PLEKHM2: variants seen among roughly 807,000 people sequenced by gnomAD.
PLEKHM2 encodes the protein pleckstrin homology domain-containing family M member 2.
A neutral mutation model predicts 116.3 loss-of-function variants in PLEKHM2; 77 were observed. The ratio of observed to expected loss-of-function variants is 0.66; its 90% CI spans 0.55 to 0.80. PLEKHM2 has a LOEUF of 0.80. PLEKHM2 is among the 30% of genes least tolerant of loss of function. The pLI is 0.00. For synonymous variants in PLEKHM2, 562 were observed against 571.0 expected (o/e 0.98, Z 0.22); for missense variants, 1,183 against 1,354.9 (o/e 0.87, Z 1.99).
intron 1 of PLEKHM2, among the ~76,000 whole-genome samples, chr1:15,707,698 G>C (rs532641172): frequency 2.6e-5 from 4 of 152,198 alleles, no homozygotes; most frequent in Admixed American, 2.0e-4. Context: ...AGCAGCTGCA[G>C]CTTTTTTTAA....
upstream of PLEKHM2, among the ~76,000 whole-genome samples, chr1:15,683,819 G>C (rs1392109441): frequency 1.3e-5 from 2 of 150,086 alleles, no homozygotes; most frequent in African/African-American, 2.5e-5. Flanking sequence ...CAGGGTCTCT[G>C]AGGAGGGCCG....
upstream of PLEKHM2, among the ~76,000 whole-genome samples, chr1:15,682,631 AAC>A (rs1177261836): frequency 0.013 from 1,480 of 114,684 alleles, 19 homozygotes; most frequent in Middle Eastern, 0.029. Context: ...AAACAAACAA[AAC>A]AAAACAAAAC....
intron 1 of PLEKHM2, among the ~76,000 whole-genome samples, chr1:15,706,463 T>C (rs1241566781): frequency 6.6e-6 from 1 of 151,734 alleles, no homozygotes; most frequent in Non-Finnish European, 1.5e-5. Flanking sequence ...TGGAGTGCAG[T>C]GGCACGATCT....
chr1:15,729,051 G>A lies in PLEKHM2; in HGVS notation c.1987-51G>A, dbSNP rs146863630. ...TCAGCCTGGCCAAGCTGCCTTCTCC[G>A]CCAGGCAGCAGCTAAGCCCCAAGTG... On this transcript the variant is annotated intron_variant, in intron 12 of 19. Coordinates refer to ENST00000375799, the MANE Select transcript of PLEKHM2 (RefSeq NM_015164.4). This position sits in a 1 kb window ranked among gnomAD's most constrained non-coding sequence, Gnocchi z 4.7. The A allele has an allele frequency of 7.0e-4, 1,059 of 1,515,268 alleles. 10 individuals are homozygous for A. In the Admixed American group the frequency reaches 0.018, roughly 26 times the overall value. The allele number at this position is 1,515,268 out of a possible 1,614,324, so 93.9% of individuals were successfully genotyped here. A position where few individuals can be genotyped will look rare whatever the true frequency, so the allele number is the denominator to read the frequency against.
In PLEKHM2 at chr1:15,732,163, A is replaced by G. The variant is rs1421199853; in HGVS notation, c.2625+115A>G. On this transcript the variant is annotated intron_variant, in intron 17 of 19. Transcript: ENST00000375799. ...AACCTGAGGGCCAAGACGGACCTCC[A>G]GGGGGCAGCCCAGGAATGGACCCTG... 3 of 1,074,404 alleles carry G rather than the reference A, an allele frequency of 2.8e-6. 1 individual carries two copies. The highest frequency in any genetic ancestry group is 3.1e-5 in the South Asian group (2 of 64,792). The allele number at this position is 1,074,404 out of a possible 1,614,324, so 66.6% of individuals were successfully genotyped here. A position where few individuals can be genotyped will look rare whatever the true frequency, so the allele number is the denominator to read the frequency against.
Position 15,728,798 on chromosome 1 carries a change from T to C in PLEKHM2, c.1986+65T>C. The C allele has an allele frequency of 1.4e-6, 2 of 1,431,224 alleles. No individual in the cohort carries two copies. The highest frequency in any genetic ancestry group is 1.2e-5 in the South Asian group (1 of 82,614). The allele number at this position is 1,431,224 out of a possible 1,614,324, so 88.7% of individuals were successfully genotyped here. ...CAGGGCTTCTCAAGCCACTTACCCA[T>C]AGAACTGCAGGGCGAGGCACGGCCC... On this transcript the variant is annotated intron_variant, in intron 12 of 19. Transcript: ENST00000375799. The surrounding 1 kb of genome is among the most constrained non-coding windows in gnomAD (Gnocchi z 5.9).
intron 8 of PLEKHM2, among the ~76,000 whole-genome samples, chr1:15,726,500 G>A (rs2068065092): frequency 6.6e-6 from 1 of 152,202 alleles, no homozygotes; most frequent in Non-Finnish European, 1.5e-5. Context: ...CTCAGACCTG[G>A]GGTCCCTTAG....
chr1:15,711,931 C>T (rs908472764), intron 1 of PLEKHM2, among the ~76,000 whole-genome samples: 2 of 151,890 alleles, frequency 1.3e-5, no homozygotes, highest in African/African-American at 4.8e-5. Flanking sequence ...CCAGCCTGAC[C>T]AACATGGAGA....
Position 15,731,269 on chromosome 1 carries a change from G to A in PLEKHM2, c.2465+12G>A, listed in dbSNP as rs370100069. The A allele has an allele frequency of 3.6e-5, 57 of 1,564,250 alleles. No individual in the cohort carries two copies. The highest frequency in any genetic ancestry group is 3.0e-4 in the African/African-American group (22 of 73,910). ...TCGGTGAACATGGGGTAAGTGTCCC[G>A]GGAGAAGCGGGTGTATCCTGGGGCC... On this transcript the variant is annotated intron_variant, in intron 16 of 19. Coordinates refer to ENST00000375799, the MANE Select transcript of PLEKHM2 (RefSeq NM_015164.4).
At position 15,719,713 on chromosome 1, in the gene PLEKHM2, C is replaced by T. The variant is rs772219335; in HGVS notation, c.466-21C>T. On this transcript the variant is annotated intron_variant, in intron 5 of 19. Coordinates refer to ENST00000375799, the MANE Select transcript of PLEKHM2 (RefSeq NM_015164.4). This position sits in a 1 kb window ranked among gnomAD's most constrained non-coding sequence, Gnocchi z 4.1. ...TGCACGAGGCCTCCCACCAAACGGG[C>T]CTCCTCTACTCTCTCCTCAGGATGC... 85 of 1,583,688 alleles carry T rather than the reference C, an allele frequency of 5.4e-5. No homozygotes were observed. In the South Asian group the frequency reaches 9.5e-4, roughly 18 times the overall value.
chr1:15,699,867 C>T (rs939286417), intron 1 of PLEKHM2, among the ~76,000 whole-genome samples: 3 of 151,630 alleles, frequency 2.0e-5, no homozygotes, highest in Non-Finnish European at 4.4e-5. Context: ...ATAGTCCCAG[C>T]TACATGGAAG....
intron 3 of PLEKHM2, among the ~76,000 whole-genome samples, 175 bp from the exon 4 acceptor site, chr1:15,717,718 A>G (rs1641474592): frequency 6.6e-6 from 1 of 152,218 alleles, no homozygotes; most frequent in Non-Finnish European, 1.5e-5. Flanking sequence ...CTACATGCTG[A>G]GGTCTGACTA....
chr1:15,682,650 AAC>A (rs1318580159), upstream of PLEKHM2, among the ~76,000 whole-genome samples: 14 of 73,980 alleles, frequency 1.9e-4, no homozygotes, highest in African/African-American at 1.4e-3. Flanking sequence ...AAACAAAAAA[AAC>A]AAAAAACAAA....
At chr1:15,707,307 C>G (rs1014832884) in intron 1 of PLEKHM2, among the ~76,000 whole-genome samples, 8 of 151,642 alleles carry the variant, frequency 5.3e-5, no homozygotes, top group Non-Finnish European at 1.2e-4. Flanking sequence ...GTGGTACATA[C>G]CTGTAGTCTC....
chr1:15,718,687 G>T, intron 5 of PLEKHM2, 62 bp downstream of exon 5: 1 of 765,086 alleles, frequency 1.3e-6, no homozygotes. Context: ...TGGGGGCAGG[G>T]TGGGCGGTGG....
chr1:15,694,400 C>T (rs1640949119), intron 1 of PLEKHM2, among the ~76,000 whole-genome samples: 1 of 151,916 alleles, frequency 6.6e-6, no homozygotes, highest in African/African-American at 2.4e-5. Context: ...GGTTTCTAAG[C>T]CTGGGATCTG....
chr1:15,681,687 A>G (rs1347354250), upstream of PLEKHM2: 1 of 436,984 alleles, frequency 2.3e-6, no homozygotes, highest in Non-Finnish European at 4.7e-6. Flanking sequence ...TTCTGACTCC[A>G]CAAACACCTT....
At chr1:15,698,549 CTT>C (rs564918055) in intron 1 of PLEKHM2, among the ~76,000 whole-genome samples, 23,591 of 110,364 alleles carry the variant, frequency 0.21, 1,797 homozygotes, top group African/African-American at 0.31. Context: ...TTCTTTCTTT[CTT>C]TTTTTTTTTT....
In PLEKHM2 at chr1:15,728,704, G is replaced by T. The variant is rs746715478; in HGVS notation, c.1957G>T (p.Val653Phe). Reference protein sequence around the residue: ...TEKPYLVEEAVSYNELDYVSV... With the variant: ...TEKPYLVEEAFSYNELDYVSV... ...GAAGCCATACCTGGTGGAAGAGGCC[G>T]TTTCTTACAATGAACTTGACTATGT... The change falls in exon 12 of 20, where the codon GTT becomes TTT. Residue 653 changes from valine (V) to phenylalanine (F), a missense_variant. Around this residue, in one of 3 missense-constraint regions of PLEKHM2, gnomAD observed 594 missense variants for 720.1 expected, o/e 0.82. Transcript: ENST00000375799. The surrounding 1 kb of genome is among the most constrained non-coding windows in gnomAD (Gnocchi z 5.9). 3.1e-6 allele frequency: 5 copies of T among 1,611,524 alleles called. No individual in the cohort carries two copies. Among genetic ancestry groups the T allele is most frequent in the Non-Finnish European group, 4.2e-6 (5 of 1,178,852 alleles).
Sources: gnomAD v4.1 joint callset for allele counts (sites outside exome capture counted in the v4.1 genomes callset) on GRCh38, gnomAD v4.1.1 for gene constraint, gnomAD v4.1.1 regional missense constraint, Gnocchi (gnomAD v3.1) non-coding constraint, MANE v1.5 for transcripts, NCBI Gene and HGNC (gene_info 2026-07-23, HGNC 2026-07-21) for gene names.